Variants in CCT2 observed in about 807,000 individuals in gnomAD.
The protein encoded by CCT2 is T-complex protein 1 subunit beta.
CCT2 carries 18 observed loss-of-function variants against 61.8 expected under a neutral mutation model. That is an observed-to-expected ratio of 0.29 (90% confidence interval 0.20 to 0.43). The LOEUF (loss-of-function observed/expected upper bound fraction) is 0.43. Among genes scored for constraint, CCT2 ranks in the 20% least tolerant of loss-of-function variants. CCT2 has a pLI of 1.00. For missense variants in CCT2, 556 were observed against 656.9 expected, an observed-to-expected ratio of 0.85 and a Z score of 1.68; for synonymous variants, 248 against 215.9, an observed-to-expected ratio of 1.15 and a Z score of -1.30.
At chr12:69,591,908 A>G (rs990020934) in intron 7 of CCT2, 151 bp from the exon 8 acceptor site, 1 of 484,248 alleles carries the variant, frequency 2.1e-6, no homozygotes, top group African/African-American at 2.0e-5. Context: ...CAGGTTGGAC[A>G]AGCTTGCTTT....
At chr12:69,600,984 C>T (rs1882130707) in intron 15 of CCT2, among the ~76,000 whole-genome samples, 1 of 152,260 alleles carries the variant, frequency 6.6e-6, no homozygotes, top group East Asian at 1.9e-4. Context: ...TGGTGCAGGG[C>T]ATCACACAGA....
chr12:69,595,551 G>C (rs1376241323), intron 10 of CCT2, among the ~76,000 whole-genome samples: 1 of 152,076 alleles, frequency 6.6e-6, no homozygotes, highest in Non-Finnish European at 1.5e-5. Flanking sequence ...AGCCAGGCGT[G>C]GTGGTGGGTG....
At chr12:69,587,819 A>G (rs1881709949) in intron 4 of CCT2, 111 bp from the exon 5 acceptor site, 1 of 921,656 alleles carries the variant, frequency 1.1e-6, no homozygotes, top group Non-Finnish European at 1.7e-6. Context: ...AGAGTTCCAA[A>G]TAATTTGTTG....
chr12:69,599,592 T>C, intron 14 of CCT2: 1 of 193,284 alleles, frequency 5.2e-6, no homozygotes. Context: ...TCACCATGTT[T>C]GCCAGGCTGG....
At chr12:69,585,547 T>C in intron 1 of CCT2, 23 bp downstream of exon 1, 2 of 1,570,704 alleles carry the variant, frequency 1.3e-6, no homozygotes, top group Non-Finnish European at 1.7e-6. Flanking sequence ...CCCCTGCCTC[T>C]TGCCCTACCC....
chr12:69,585,551 C>G, intron 1 of CCT2, 27 bp downstream of exon 1: 1 of 1,569,240 alleles, frequency 6.4e-7, no homozygotes, highest in Non-Finnish European at 8.6e-7. Flanking sequence ...TGCCTCTTGC[C>G]CTACCCCTGC....
At chr12:69,587,453 A>C in intron 3 of CCT2, 52 bp from the exon 4 acceptor site, 1 of 998,492 alleles carries the variant, frequency 1.0e-6, no homozygotes, top group Admixed American at 1.7e-5. Context: ...TGATCCATGC[A>C]TTCTTCAAGA....
chr12:69,586,143 G>T, intron 1 of CCT2, 127 bp from the exon 2 acceptor site: 3 of 1,129,628 alleles, frequency 2.7e-6, no homozygotes, highest in South Asian at 3.0e-5. Context: ...AGCTTCATTT[G>T]ATTGAAAACA....
intron 10 of CCT2, 120 bp downstream of exon 10, chr12:69,593,733 T>G (rs1037389551): frequency 3.4e-5 from 20 of 590,970 alleles, no homozygotes; most frequent in Non-Finnish European, 6.0e-5. Context: ...CTGAAATCTA[T>G]TCTCTTGGAT....
rs1229129260 is a variant in CCT2, at chr12:69,589,624, C to T, written c.586C>T (p.Leu196=). 3 of 1,614,044 alleles carry T rather than the reference C, an allele frequency of 1.9e-6. No individual in the cohort carries two copies. Among genetic ancestry groups the T allele is most frequent in the Admixed American group, 3.3e-5 (2 of 60,028 alleles). ...AVLRLKGSGN[L]EAIHIIKKLG... ...TCTCAGACTGAAAGGCTCTGGCAAC[C>T]TGGAGGCAATTCATATTATCAAGAA... Residue 196 remains leucine (L), a synonymous_variant, in exon 7 of 16, where the codon CTG becomes TTG. Coordinates refer to ENST00000299300, the MANE Select transcript of CCT2 (RefSeq NM_006431.3).
At position 69,586,091 on chromosome 12, in the gene CCT2, C is replaced by G. The variant is rs1881644239; in HGVS notation, c.4-179C>G. ...TCCGAAAAGCCATGTCGCTCTCCTA[C>G]AAGTCCCTCTCTCCCACTTAAATGC... On this transcript the variant is annotated intron_variant, in intron 1 of 15. Coordinates refer to ENST00000299300, the MANE Select transcript of CCT2 (RefSeq NM_006431.3). 10 of 1,235,800 alleles carry G rather than the reference C, an allele frequency of 8.1e-6. No individual in the cohort carries two copies. In the South Asian group the frequency reaches 1.6e-4, roughly 20 times the overall value. The allele number at this position is 1,235,800 out of a possible 1,614,324, so 76.6% of individuals were successfully genotyped here.
chr12:69,595,646 G>A (rs951670964), intron 10 of CCT2, among the ~76,000 whole-genome samples: 12 of 136,682 alleles, frequency 8.8e-5, no homozygotes, highest in African/African-American at 2.6e-4. Flanking sequence ...TGAGATTGGC[G>A]CCACTGCACT....
At chr12:69,585,779 C>G in intron 1 of CCT2, 3 of 1,392,378 alleles carry the variant, frequency 2.2e-6, no homozygotes, top group African/African-American at 1.5e-5. Flanking sequence ...CAGCCCAGGT[C>G]CGCGCCTCAC....
chr12:69,597,747 T>C lies in CCT2; in HGVS notation c.1212T>C (p.Ser404=), dbSNP rs35202287. 20 of 1,612,484 alleles carry C rather than the reference T, an allele frequency of 1.2e-5. No homozygotes were observed. The African/African-American group carries it at 2.4e-4, about 19-fold the overall frequency. ...TTCTTGCGCAAACTGTAAAGGACTC[T>C]AGAACAGTTTATGGAGGAGGTAAGC... ...LCVLAQTVKD[S]RTVYGGGCSE... The change falls in exon 12 of 16, where the codon TCT becomes TCC. Residue 404 remains serine (S), a synonymous_variant. Transcript: ENST00000299300.
At chr12:69,597,399 C>T (rs1882022685) in intron 11 of CCT2, 124 bp downstream of exon 11, 2 of 1,244,242 alleles carry the variant, frequency 1.6e-6, no homozygotes, top group Non-Finnish European at 2.3e-6. Flanking sequence ...AAGCATGATA[C>T]ATACTTTGTT....
intron 13 of CCT2, 119 bp from the exon 14 acceptor site, chr12:69,598,203 A>C (rs1247028906): frequency 1.0e-6 from 1 of 984,442 alleles, no homozygotes; most frequent in African/African-American, 1.6e-5. Context: ...GTGAGCAGTA[A>C]CTGAAGCAGA....
chr12:69,594,382 TTTTG>T (rs1333248583), intron 10 of CCT2, among the ~76,000 whole-genome samples: 1 of 152,228 alleles, frequency 6.6e-6, no homozygotes, highest in Non-Finnish European at 1.5e-5. Context: ...GAAACATTGC[TTTTG>T]TTAATTTTAA....
rs1313475475 is a variant in CCT2, at chr12:69,588,214, C to T, written c.398C>T (p.Ala133Val). 1.8e-5 allele frequency: 29 copies of T among 1,613,948 alleles called. No homozygotes were observed. The highest frequency in any genetic ancestry group is 2.3e-5 in the Non-Finnish European group (27 of 1,179,978). The change falls in exon 6 of 16, where the codon GCC becomes GTC. Residue 133 changes from alanine (A) to valine (V), a missense_variant. By Grantham distance (64) the Ala-to-Val change is moderately conservative. This residue lies in a region of CCT2 where 308 missense variants were observed against 350.6 expected (regional missense o/e 0.88). Coordinates refer to ENST00000299300, the MANE Select transcript of CCT2 (RefSeq NM_006431.3). The stretch of plus-strand genomic sequence containing the variant: ...ACCATCATAGCGGGTTGGAGAGAAG[C>T]CACGAAGGCTGCAAGAGAGGCGCTG... Reference protein sequence around the residue: ...PQTIIAGWREATKAAREALLS... With the variant: ...PQTIIAGWREVTKAAREALLS...
intron 8 of CCT2, chr12:69,592,525 C>G (rs1414976161): frequency 5.6e-6 from 1 of 177,694 alleles, no homozygotes; most frequent in African/African-American, 2.4e-5. Flanking sequence ...TCTATAAACT[C>G]AGGAATCAAT....
Sources: gnomAD v4.1 joint callset for allele counts (sites outside exome capture counted in the v4.1 genomes callset) on GRCh38, gnomAD v4.1.1 for gene constraint, gnomAD v4.1.1 regional missense constraint, MANE v1.5 for transcripts, NCBI Gene and HGNC (gene_info 2026-07-23, HGNC 2026-07-21) for gene names.